ZSCAN25: variants seen among roughly 807,000 people sequenced by gnomAD.
ZSCAN25 encodes the protein zinc finger and SCAN domain-containing protein 25.
Under a neutral mutation model 38.7 loss-of-function variants are expected in ZSCAN25, and 27 were observed. The observed-to-expected ratio is 0.70, with a 90% CI of 0.51 to 0.96. The LOEUF is 0.96. Among genes scored for constraint, ZSCAN25 ranks in the 40% least tolerant of loss-of-function variants. The probability of loss-of-function intolerance (pLI) is 0.00; values close to 1 mark genes in which losing one functional copy is unlikely to be tolerated. For synonymous variants in ZSCAN25, 273 were observed against 277.7 expected (o/e 0.98, Z 0.17); for missense variants, 637 against 705.9 (o/e 0.90, Z 1.11).
At chr7:99,717,253 T>C in the ZSCAN25 span, 1 of 1,613,966 alleles carries the variant, frequency 6.2e-7, no homozygotes, top group Admixed American at 1.7e-5. Flanking sequence ...TACTGGGCAA[T>C]GATAGGGACC....
At chr7:99,703,977 A>G in the ZSCAN25 span, among the ~76,000 whole-genome samples, 18 of 152,242 alleles carry the variant, frequency 1.2e-4, no homozygotes, top group East Asian at 1.9e-4. Context: ...TGTGGCCACC[A>G]TCTGGCTGCC....
chr7:99,737,909 G>A, the ZSCAN25 span, among the ~76,000 whole-genome samples: 1 of 152,208 alleles, frequency 6.6e-6, no homozygotes. Flanking sequence ...CTAACATGTA[G>A]GGACTTGCCT....
At chr7:99,634,351 C>G (rs1056326537), downstream of ZSCAN25, among the ~76,000 whole-genome samples, 1 of 152,220 alleles carries the variant, frequency 6.6e-6, no homozygotes, top group African/African-American at 2.4e-5. Flanking sequence ...ACCTTTGTTT[C>G]TTAAAAAATA....
At chr7:99,684,498 T>C in the ZSCAN25 span, among the ~76,000 whole-genome samples, 1 of 152,202 alleles carries the variant, frequency 6.6e-6, no homozygotes, top group Non-Finnish European at 1.5e-5. Context: ...ATGAATGTTC[T>C]TTCTAAGCAA....
chr7:99,651,868 C>T, the ZSCAN25 span, among the ~76,000 whole-genome samples: 9 of 152,154 alleles, frequency 5.9e-5, no homozygotes, highest in Admixed American at 5.9e-4. Flanking sequence ...GGAGCTGGCA[C>T]AGGACTGCAG....
At chr7:99,679,914 A>G in the ZSCAN25 span, 2 of 1,612,136 alleles carry the variant, frequency 1.2e-6, no homozygotes, top group Non-Finnish European at 1.7e-6. Context: ...TTCCTTCTTC[A>G]ACTGTGTTCT....
the ZSCAN25 span, among the ~76,000 whole-genome samples, chr7:99,686,700 G>A: frequency 3.3e-5 from 5 of 152,152 alleles, no homozygotes; most frequent in Non-Finnish European, 7.4e-5. Context: ...GAACGGGCAG[G>A]CTGCCTCCTC....
At chr7:99,712,184 T>C in the ZSCAN25 span, among the ~76,000 whole-genome samples, 1 of 152,128 alleles carries the variant, frequency 6.6e-6, no homozygotes, top group Non-Finnish European at 1.5e-5. Context: ...GAAATAAATA[T>C]AGTGCCTGTT....
downstream of ZSCAN25, among the ~76,000 whole-genome samples, chr7:99,636,102 G>C (rs546807254): frequency 6.6e-6 from 1 of 151,134 alleles, no homozygotes; most frequent in East Asian, 1.9e-4. Flanking sequence ...GTTTCCTCCG[G>C]TTTAGGCATT....
At chr7:99,695,375 A>G in the ZSCAN25 span, among the ~76,000 whole-genome samples, 64 of 152,348 alleles carry the variant, frequency 4.2e-4, no homozygotes, top group African/African-American at 1.5e-3. Flanking sequence ...CACAGATAGC[A>G]AGCCACAAAT....
At chr7:99,705,544 C>A in the ZSCAN25 span, 2 of 1,613,712 alleles carry the variant, frequency 1.2e-6, no homozygotes, top group African/African-American at 1.3e-5. Context: ...GCCTTTAGAA[C>A]AATGGGTTTT....
chr7:99,717,723 T>A, the ZSCAN25 span: 2 of 1,496,850 alleles, frequency 1.3e-6, no homozygotes, highest in Admixed American at 1.9e-5. Context: ...ACAGGCATCA[T>A]GTATTTAACA....
At chr7:99,708,902 A>G in the ZSCAN25 span, 1 of 1,067,512 alleles carries the variant, frequency 9.4e-7, no homozygotes, top group East Asian at 2.5e-5. Flanking sequence ...GATCAATTTC[A>G]TGATTTGAAA....
In ZSCAN25 at chr7:99,629,824, A is replaced by C; in HGVS notation, c.1439A>C (p.His480Pro). ...AATCTGGCGGTGCACCGGCGTGCCC[A>C]CACTGGCGAGAAGCCATATGGGTGC... Reference protein sequence around the residue: ...NANLAVHRRAHTGEKPYGCQV... With the variant: ...NANLAVHRRAPTGEKPYGCQV... The change falls in exon 8 of 8, where the codon CAC becomes CCC. Residue 480 changes from histidine to proline, a missense_variant. His to Pro is a moderately conservative substitution (Grantham distance 77). Transcript: ENST00000394152. This position sits in a 1 kb window ranked among gnomAD's most constrained non-coding sequence, Gnocchi z 5.6. 6.2e-7 allele frequency: 1 copy of C among 1,614,184 alleles called. No homozygotes were observed. Among genetic ancestry groups the C allele is most frequent in the Non-Finnish European group, 8.5e-7 (1 of 1,180,012 alleles).
At chr7:99,649,923 TG>T in the ZSCAN25 span, 1 of 992,550 alleles carries the variant, frequency 1.0e-6, no homozygotes. Flanking sequence ...AGTCCAGAAC[TG>T]AAGCATCCTT....
rs1808041649 is a variant in ZSCAN25, at chr7:99,632,042, C to T, written c.*2022C>T. On this transcript the variant is annotated 3_prime_UTR_variant, in exon 8 of 8. Coordinates refer to ENST00000394152, the MANE Select transcript of ZSCAN25 (RefSeq NM_145115.3). ...GGGGAGGCCTCGGGGGGCTGCTTGT[C>T]ATTACCTGAATCACAGATGCTCTTT... 3 of 985,498 alleles carry T rather than the reference C, an allele frequency of 3.0e-6. No individual in the cohort carries two copies. Among genetic ancestry groups the T allele is most frequent in the Non-Finnish European group, 3.6e-6 (3 of 829,982 alleles). 61.0% of individuals were successfully genotyped at this position (985,498 alleles called of 1,614,324 possible).
the ZSCAN25 span, among the ~76,000 whole-genome samples, chr7:99,675,626 T>TCTCCC: frequency 1.5e-3 from 1 of 662 alleles, no homozygotes. Flanking sequence ...CCTCTCCTTT[T>TCTCCC]CTCTCCTCTC....
the ZSCAN25 span, among the ~76,000 whole-genome samples, chr7:99,669,106 C>T: frequency 2.6e-5 from 4 of 152,084 alleles, no homozygotes; most frequent in Admixed American, 6.6e-5. Context: ...ATGGCTTCCA[C>T]AATGTCTTAA....
rs766506253 is a variant in ZSCAN25 at position 99,629,350 on chromosome 7, C to T, written c.965C>T (p.Pro322Leu). The T allele has an allele frequency of 2.8e-5, 45 of 1,614,054 alleles. No homozygotes were observed. The highest frequency in any genetic ancestry group is 3.4e-5 in the Non-Finnish European group (40 of 1,180,044). The change falls in exon 8 of 8, where the codon CCT (proline) becomes CTT (leucine). Residue 322 changes from proline to leucine, a missense_variant. Pro to Leu is a moderately conservative substitution (Grantham distance 98). Coordinates refer to ENST00000394152, the MANE Select transcript of ZSCAN25 (RefSeq NM_145115.3). This position sits in a 1 kb window ranked among gnomAD's most constrained non-coding sequence, Gnocchi z 5.6. Reference protein sequence around the residue: ...QEPGGPAGSAPGLPPPQHGAI... With the variant: ...QEPGGPAGSALGLPPPQHGAI... ...CCTGGTGGCCCTGCAGGCAGTGCGC[C>T]TGGGCTTCCTCCTCCCCAGCACGGT...
Sources: allele counts gnomAD v4.1 joint callset (sites outside exome capture counted in the v4.1 genomes callset), GRCh38; gene constraint gnomAD v4.1.1; non-coding constraint Gnocchi (gnomAD v3.1); transcripts MANE v1.5; gene names NCBI Gene and HGNC (gene_info 2026-07-23, HGNC 2026-07-21).